The following SLC2A13 variants were observed in gnomAD, a reference collection of about 807,000 sequenced individuals.
The protein encoded by SLC2A13 is proton myo-inositol cotransporter.
Under a neutral mutation model 64.4 loss-of-function variants are expected in SLC2A13, and 32 were observed. The ratio of observed to expected loss-of-function variants is 0.50; its 90% CI spans 0.37 to 0.67. SLC2A13 has a LOEUF of 0.67. Ranked by LOEUF, SLC2A13 falls within the 30% of genes least tolerant of loss-of-function variation. SLC2A13 has a pLI of 0.00. For synonymous variants in SLC2A13, 338 were observed against 327.1 expected, an observed-to-expected ratio of 1.03 and a Z score of -0.36; for missense variants, 743 against 829.2, an observed-to-expected ratio of 0.90 and a Z score of 1.28.
chr12:39,851,713 G>A (rs954029984), intron 6 of SLC2A13, among the ~76,000 whole-genome samples: 1 of 152,182 alleles, frequency 6.6e-6, no homozygotes, highest in Non-Finnish European at 1.5e-5. Context: ...GGATGGATTT[G>A]TATTATCAGC....
intron 1 of SLC2A13, among the ~76,000 whole-genome samples, chr12:40,078,171 G>GT (rs1461969294): frequency 6.6e-6 from 1 of 152,092 alleles, no homozygotes; most frequent in African/African-American, 2.4e-5. Context: ...CTCTGGCTAG[G>GT]ACATCCAGTA....
chr12:40,052,481 A>G (rs1457599062), intron 1 of SLC2A13, among the ~76,000 whole-genome samples: 2 of 152,054 alleles, frequency 1.3e-5, no homozygotes, highest in African/African-American at 4.8e-5. Flanking sequence ...AAGACAAAAA[A>G]CAGTTGTGAG....
At chr12:39,836,281 C>A (rs1006510672) in intron 6 of SLC2A13, among the ~76,000 whole-genome samples, 1 of 152,074 alleles carries the variant, frequency 6.6e-6, no homozygotes, top group African/African-American at 2.4e-5. Context: ...GAACTGAATG[C>A]AGATATATTA....
At chr12:39,788,199 C>T (rs1244077618) in intron 7 of SLC2A13, among the ~76,000 whole-genome samples, 1 of 152,070 alleles carries the variant, frequency 6.6e-6, no homozygotes, top group Non-Finnish European at 1.5e-5. Flanking sequence ...GTGTCATTTT[C>T]CTACATTTAT....
At chr12:40,052,500 T>A (rs1000069591) in intron 1 of SLC2A13, among the ~76,000 whole-genome samples, 1 of 151,934 alleles carries the variant, frequency 6.6e-6, no homozygotes, top group Non-Finnish European at 1.5e-5. Context: ...AGTGAGAGTC[T>A]CGGGGTGAGT....
In SLC2A13 at chr12:39,872,276, C is replaced by G. The variant is rs143263704; in HGVS notation, c.1035-315G>C. 6.6e-5 allele frequency among the ~76,000 whole-genome samples: 10 copies of G among 152,262 alleles called. 1 individual carries two copies. The South Asian group carries it at 2.1e-3, about 32-fold the overall frequency. On this transcript the variant is annotated intron_variant, in intron 4 of 9. Coordinates refer to ENST00000280871, the MANE Select transcript of SLC2A13 (RefSeq NM_052885.4). ...TGGTAGTTTCACTAAAACTGTATCA[C>G]TTTAATTGGCCACATAATAAGGTTA...
At chr12:39,767,309 TTC>T (rs1491069953) in intron 7 of SLC2A13, among the ~76,000 whole-genome samples, 1 of 151,380 alleles carries the variant, frequency 6.6e-6, no homozygotes, top group Non-Finnish European at 1.5e-5. Context: ...AATCTTTTTT[TTC>T]TTTTCCTGAG....
rs186330768 is a variant in SLC2A13 at position 39,817,619 on chromosome 12, G to A, written c.1445+12484C>T. ...TACAGAATGCTTCATCTATATTCAC[G>A]AAAAAGTTAGCTGTACACAGTAGAT... is the stretch of plus-strand genomic sequence containing the variant. On this transcript the variant is annotated intron_variant, in intron 7 of 9. Coordinates refer to ENST00000280871, the MANE Select transcript of SLC2A13 (RefSeq NM_052885.4). Among the ~76,000 whole-genome samples the A allele has an allele frequency of 2.1e-4, 32 of 152,234 alleles. No individual in the cohort carries two copies. The East Asian group carries it at 3.9e-3, about 18-fold the overall frequency.
At chr12:40,064,676 T>C (rs1165751187) in intron 1 of SLC2A13, among the ~76,000 whole-genome samples, 1 of 152,102 alleles carries the variant, frequency 6.6e-6, no homozygotes, top group Non-Finnish European at 1.5e-5. Flanking sequence ...CCATAACAAA[T>C]AGAGCAAAAT....
chr12:40,043,728 T>C (rs1948130122), intron 2 of SLC2A13, among the ~76,000 whole-genome samples: 1 of 149,118 alleles, frequency 6.7e-6, no homozygotes, highest in Non-Finnish European at 1.5e-5. Context: ...CACTACAATA[T>C]ATTAGGAAAA....
At chr12:39,900,246 C>A (rs1412939734) in intron 4 of SLC2A13, among the ~76,000 whole-genome samples, 2 of 152,140 alleles carry the variant, frequency 1.3e-5, no homozygotes, top group East Asian at 1.9e-4. Context: ...ACTGAATGGG[C>A]AAAAACTGGA....
intron 4 of SLC2A13, among the ~76,000 whole-genome samples, chr12:39,897,066 C>T (rs1390128840): frequency 6.6e-6 from 1 of 152,156 alleles, no homozygotes; most frequent in African/African-American, 2.4e-5. Context: ...TTCCTGAGAA[C>T]AAACTAGTTG....
chr12:39,896,589 TATAC>T (rs1944921700), intron 4 of SLC2A13, among the ~76,000 whole-genome samples: 1 of 151,208 alleles, frequency 6.6e-6, no homozygotes, highest in Non-Finnish European at 1.5e-5. Context: ...TGTATATATG[TATAC>T]ATATATGTAT....
intron 3 of SLC2A13, among the ~76,000 whole-genome samples, chr12:39,986,780 A>G: frequency 6.6e-6 from 1 of 151,936 alleles, no homozygotes; most frequent in Admixed American, 6.6e-5. Context: ...TTTCAAAGAG[A>G]ACAAATCTCA....
chr12:39,772,781 C>T (rs7956254), intron 7 of SLC2A13, among the ~76,000 whole-genome samples: 148,086 of 152,294 alleles, frequency 0.97, 71,998 homozygotes, highest in East Asian at 1. Context: ...AAGTAGGATA[C>T]TTTAGAGTGG....
intron 1 of SLC2A13, among the ~76,000 whole-genome samples, chr12:40,064,023 G>A (rs139097535): frequency 3.7e-4 from 57 of 152,086 alleles, no homozygotes; most frequent in African/African-American, 1.2e-3. Context: ...TGAGAGGATC[G>A]CTTCAAGCCA....
intron 1 of SLC2A13, among the ~76,000 whole-genome samples, chr12:40,050,619 T>A (rs1948239438): frequency 6.6e-6 from 1 of 152,186 alleles, no homozygotes; most frequent in Non-Finnish European, 1.5e-5. Context: ...CCTCAGGATA[T>A]CCCTTTAAAG....
At chr12:39,959,415 T>C (rs1189338333) in intron 3 of SLC2A13, among the ~76,000 whole-genome samples, 2 of 152,224 alleles carry the variant, frequency 1.3e-5, no homozygotes, top group African/African-American at 4.8e-5. Context: ...TGCGTGCTTG[T>C]AAGCTGATCA....
chr12:40,034,469 CTTT>C (rs1446737881), intron 2 of SLC2A13, among the ~76,000 whole-genome samples: 1 of 152,114 alleles, frequency 6.6e-6, no homozygotes, highest in African/African-American at 2.4e-5. Flanking sequence ...TACAGTGGGG[CTTT>C]CTAGCAAATT....
Sources: gnomAD v4.1 joint callset for allele counts (sites outside exome capture counted in the v4.1 genomes callset) on GRCh38, gnomAD v4.1.1 for gene constraint, MANE v1.5 for transcripts, NCBI Gene and HGNC (gene_info 2026-07-23, HGNC 2026-07-21) for gene names.